Variants in TYW1B observed in about 807,000 individuals in gnomAD.
TYW1B encodes S-adenosyl-L-methionine-dependent tRNA 4-demethylwyosine synthase TYW1B.
A neutral mutation model predicts 86.9 loss-of-function variants in TYW1B; 73 were observed. The ratio of observed to expected loss-of-function variants is 0.84; its 90% CI spans 0.70 to 1.02. The LOEUF (loss-of-function observed/expected upper bound fraction) is 1.02. TYW1B is among the 50% of genes least tolerant of loss of function. The probability of loss-of-function intolerance (pLI) is 0.00; values close to 1 mark genes in which losing one functional copy is unlikely to be tolerated. For missense variants in TYW1B, 637 were observed against 827.4 expected, an observed-to-expected ratio of 0.77 and a Z score of 2.82; for synonymous variants, 248 against 292.8, an observed-to-expected ratio of 0.85 and a Z score of 1.56.
intron 7 of TYW1B, among the ~76,000 whole-genome samples, chr7:72,749,917 T>TTG (rs1554464741): frequency 5.4e-5 from 8 of 148,840 alleles, no homozygotes; most frequent in Non-Finnish European, 9.0e-5. Context: ...TTTTTGTTTT[T>TTG]TTTTTTTTTT....
At chr7:72,621,959 A>G (rs1289917260) in intron 12 of TYW1B, among the ~76,000 whole-genome samples, 5 of 152,256 alleles carry the variant, frequency 3.3e-5, no homozygotes, top group Admixed American at 3.3e-4. Context: ...GCATTCTGCA[A>G]GGATTGAGCA....
chr7:72,808,708 G>C (rs1353231067), intron 4 of TYW1B, among the ~76,000 whole-genome samples: 1 of 151,744 alleles, frequency 6.6e-6, no homozygotes, highest in Non-Finnish European at 1.5e-5. Context: ...TGTATTTTTA[G>C]TACAGACAGG....
At chr7:72,653,481 C>A (rs1455167001) in intron 11 of TYW1B, among the ~76,000 whole-genome samples, 1 of 152,090 alleles carries the variant, frequency 6.6e-6, no homozygotes, top group Non-Finnish European at 1.5e-5. Flanking sequence ...GTGGCGAGCA[C>A]CTGTAGTCCC....
intron 11 of TYW1B, among the ~76,000 whole-genome samples, chr7:72,666,914 C>T (rs1483597245): frequency 4.0e-5 from 6 of 150,590 alleles, no homozygotes; most frequent in Non-Finnish European, 5.9e-5. Flanking sequence ...CGCCTGTAGT[C>T]CCAGCTACTC....
chr7:72,659,015 C>A (rs1304847237), intron 11 of TYW1B, among the ~76,000 whole-genome samples: 13 of 152,112 alleles, frequency 8.5e-5, no homozygotes, highest in African/African-American at 3.1e-4. Flanking sequence ...GCCACCACAC[C>A]CACCCATAAA....
intron 5 of TYW1B, among the ~76,000 whole-genome samples, chr7:72,806,791 C>T (rs548476236): frequency 6.6e-6 from 1 of 152,062 alleles, no homozygotes; most frequent in East Asian, 1.9e-4. Context: ...GCTGAGACAA[C>T]AGGCATGCAC....
At chr7:72,745,911 C>T (rs1554463746) in intron 7 of TYW1B, among the ~76,000 whole-genome samples, 1 of 150,184 alleles carries the variant, frequency 6.7e-6, no homozygotes, top group Admixed American at 6.7e-5. Context: ...GTCACCTAGG[C>T]TGGAGTGCAG....
intron 8 of TYW1B, among the ~76,000 whole-genome samples, chr7:72,737,363 C>T (rs1418090164): frequency 6.6e-6 from 1 of 152,158 alleles, no homozygotes; most frequent in Non-Finnish European, 1.5e-5. Context: ...TTCTAAAAAT[C>T]TCATTAAGGA....
intron 13 of TYW1B, among the ~76,000 whole-genome samples, chr7:72,600,278 C>A (rs1811630171): frequency 6.6e-6 from 1 of 152,166 alleles, no homozygotes; most frequent in South Asian, 2.1e-4. Context: ...GAAATGATAA[C>A]CTTTTCAACA....
chr7:72,798,116 T>C (rs1200221415), intron 6 of TYW1B, among the ~76,000 whole-genome samples: 2 of 152,040 alleles, frequency 1.3e-5, no homozygotes, highest in Non-Finnish European at 2.9e-5. Context: ...TAAGTCCGTC[T>C]CAGCCGGCCG....
chr7:72,822,244 C>T (rs1355625219), intron 2 of TYW1B, among the ~76,000 whole-genome samples: 2 of 147,800 alleles, frequency 1.4e-5, no homozygotes, highest in Non-Finnish European at 3.0e-5. Flanking sequence ...GAGAAAAGAT[C>T]TGAGACACAG....
At chr7:72,706,436 A>C (rs1287261116) in intron 10 of TYW1B, among the ~76,000 whole-genome samples, 5 of 149,392 alleles carry the variant, frequency 3.3e-5, no homozygotes, top group African/African-American at 1.2e-4. Context: ...ATCTCCAAAA[A>C]AAAAAAAAAA....
chr7:72,797,529 C>T (rs1472715032), intron 6 of TYW1B, among the ~76,000 whole-genome samples: 1 of 152,072 alleles, frequency 6.6e-6, no homozygotes, highest in Admixed American at 6.6e-5. Flanking sequence ...TCAGCCTGGG[C>T]AACATGGTGA....
At chr7:72,650,024 G>A (rs1258948127) in intron 11 of TYW1B, among the ~76,000 whole-genome samples, 3 of 151,470 alleles carry the variant, frequency 2.0e-5, no homozygotes, top group African/African-American at 7.3e-5. Context: ...TGAGTAGCTG[G>A]GACTACAGGC....
At chr7:72,634,356 C>CT (rs797035075) in intron 11 of TYW1B, among the ~76,000 whole-genome samples, 1,936 of 110,762 alleles carry the variant, frequency 0.017, 26 homozygotes, top group South Asian at 0.031. Flanking sequence ...TTTTTTTTTT[C>CT]TTTTTTTTTT....
intron 11 of TYW1B, among the ~76,000 whole-genome samples, chr7:72,676,783 AC>A (rs1290200600): frequency 3.3e-5 from 5 of 152,006 alleles, no homozygotes; most frequent in African/African-American, 9.7e-5. Flanking sequence ...ATATGGGGAA[AC>A]CCCATCTCTA....
chr7:72,575,779 A>G, intron 13 of TYW1B, 60 bp from the exon 14 acceptor site: 1 of 1,578,564 alleles, frequency 6.3e-7, no homozygotes, highest in South Asian at 1.2e-5. Flanking sequence ...AAAAAAATGA[A>G]TGTTTTTAAA....
chr7:72,680,474 A>G (rs1813848373), intron 11 of TYW1B, among the ~76,000 whole-genome samples: 1 of 152,194 alleles, frequency 6.6e-6, no homozygotes, highest in Non-Finnish European at 1.5e-5. Context: ...GACTTACACC[A>G]GTGGTTTGCC....
At chr7:72,728,086 C>T (rs1489537567) in intron 9 of TYW1B, among the ~76,000 whole-genome samples, 1 of 151,930 alleles carries the variant, frequency 6.6e-6, no homozygotes, top group Admixed American at 6.6e-5. Flanking sequence ...TTATATTATC[C>T]CTCCTTTTTT....
Sources: gnomAD v4.1 joint callset for allele counts (sites outside exome capture counted in the v4.1 genomes callset) on GRCh38, gnomAD v4.1.1 for gene constraint, MANE v1.5 for transcripts, NCBI Gene and HGNC (gene_info 2026-07-23, HGNC 2026-07-21) for gene names.